The following C12orf42 variants were observed in gnomAD, a reference collection of about 807,000 sequenced individuals.
The protein encoded by C12orf42 is uncharacterized protein C12orf42.
Under a neutral mutation model 21.6 loss-of-function variants are expected in C12orf42, and 25 were observed. The observed-to-expected ratio is 1.16, with a 90% CI of 0.84 to 1.62. The LOEUF is 1.62. Among genes scored for constraint, C12orf42 ranks in the 40% most tolerant of loss-of-function variants. The pLI, the probability that C12orf42 is intolerant of heterozygous loss-of-function variation, is 0.00. For missense variants in C12orf42, 483 were observed against 459.3 expected (o/e 1.05, Z -0.47); for synonymous variants, 174 against 175.0 (o/e 0.99, Z 0.05).
At chr12:103,352,403 A>G (rs2043176522) in intron 4 of C12orf42, among the ~76,000 whole-genome samples, 1 of 152,172 alleles carries the variant, frequency 6.6e-6, no homozygotes, top group Non-Finnish European at 1.5e-5. Context: ...ACCAGATATC[A>G]AAGTATCCAT....
the C12orf42 span, chr12:103,151,997 T>G: frequency 6.6e-6 from 1 of 152,200 alleles, no homozygotes; most frequent in Non-Finnish European, 1.5e-5. Flanking sequence ...GCAGGGGAGA[T>G]TCTCCTTTGC....
At chr12:103,142,329 C>G in the C12orf42 span, among the ~76,000 whole-genome samples, 4 of 152,158 alleles carry the variant, frequency 2.6e-5, no homozygotes, top group Admixed American at 2.0e-4. Context: ...ATTCTTAATT[C>G]CTTCTCACAA....
the C12orf42 span, among the ~76,000 whole-genome samples, chr12:103,150,752 T>TA: frequency 6.6e-6 from 1 of 152,140 alleles, no homozygotes; most frequent in Admixed American, 6.5e-5. Context: ...ATTTCTAATA[T>TA]AAAAAAATAC....
the C12orf42 span, among the ~76,000 whole-genome samples, chr12:103,141,081 C>T: frequency 2.0e-5 from 3 of 152,188 alleles, no homozygotes; most frequent in African/African-American, 4.8e-5. Context: ...AAAGCCCAGG[C>T]CTTTCCATTT....
chr12:103,475,700 G>T (rs949132239), intron 2 of C12orf42, among the ~76,000 whole-genome samples: 1 of 152,132 alleles, frequency 6.6e-6, no homozygotes, highest in Non-Finnish European at 1.5e-5. Context: ...GTTGAGTCCC[G>T]GGCTAACAAA....
At chr12:103,555,864 C>A in the C12orf42 span, among the ~76,000 whole-genome samples, 1 of 151,950 alleles carries the variant, frequency 6.6e-6, no homozygotes, top group Non-Finnish European at 1.5e-5. Flanking sequence ...CTCTACCTCA[C>A]CCCCACCTGC....
intron 5 of C12orf42, among the ~76,000 whole-genome samples, chr12:103,305,727 CT>C (rs1473731919): frequency 1.3e-5 from 2 of 152,168 alleles, no homozygotes; most frequent in Non-Finnish European, 2.9e-5. Context: ...ATGATAATAG[CT>C]GTCATTGTCA....
intron 10 of C12orf42, among the ~76,000 whole-genome samples, chr12:103,250,867 T>C (rs1378337966): frequency 6.7e-6 from 1 of 148,952 alleles, no homozygotes; most frequent in African/African-American, 2.5e-5. Context: ...TTGAGATTCT[T>C]TTATCACTGT....
the C12orf42 span, among the ~76,000 whole-genome samples, chr12:103,159,787 C>T: frequency 2.0e-5 from 3 of 152,338 alleles, no homozygotes; most frequent in East Asian, 5.8e-4. Flanking sequence ...TGTGCACATG[C>T]ATCATCTCTC....
intron 2 of C12orf42, among the ~76,000 whole-genome samples, chr12:103,421,742 G>T (rs2049934259): frequency 6.6e-6 from 1 of 152,094 alleles, no homozygotes. Context: ...ATACCGTTGG[G>T]CTATAATTCC....
the C12orf42 span, among the ~76,000 whole-genome samples, chr12:103,185,348 G>A: frequency 1.3e-5 from 2 of 152,162 alleles, no homozygotes; most frequent in Non-Finnish European, 1.5e-5. Context: ...GGTACTTCAG[G>A]TAGGAAGTTA....
At chr12:103,277,016 A>G in intron 5 of C12orf42, 1 of 400,560 alleles carries the variant, frequency 2.5e-6, no homozygotes, top group South Asian at 1.9e-5. Context: ...ATTAGATAGT[A>G]TAATTATTTA....
the C12orf42 span, among the ~76,000 whole-genome samples, chr12:103,104,798 G>T: frequency 6.6e-6 from 1 of 152,226 alleles, no homozygotes; most frequent in South Asian, 2.1e-4. Context: ...CTCAAGATGT[G>T]CAGCTGAACC....
chr12:103,435,011 T>C (rs1392408468), intron 2 of C12orf42, among the ~76,000 whole-genome samples: 1 of 152,174 alleles, frequency 6.6e-6, no homozygotes, highest in Non-Finnish European at 1.5e-5. Flanking sequence ...GTCTGACAGC[T>C]TTGAAGAGAG....
At chr12:103,337,329 C>T (rs1346286249) in intron 4 of C12orf42, among the ~76,000 whole-genome samples, 2 of 152,052 alleles carry the variant, frequency 1.3e-5, no homozygotes, top group Admixed American at 6.6e-5. Context: ...AGACAGAAAA[C>T]CTGTGGGGCA....
At chr12:103,208,034 G>T in the C12orf42 span, among the ~76,000 whole-genome samples, 2 of 152,076 alleles carry the variant, frequency 1.3e-5, no homozygotes, top group Non-Finnish European at 2.9e-5. Flanking sequence ...CCGAATCCAG[G>T]CCTTATCACC....
Position 103,401,614 on chromosome 12 carries a change from C to T in C12orf42, c.140G>A (p.Ser47Asn), listed in dbSNP as rs764760133. 5 of 1,613,892 alleles carry T rather than the reference C, an allele frequency of 3.1e-6. No individual in the cohort carries two copies. In the East Asian group the frequency reaches 1.1e-4, roughly 36 times the overall value. Reference sequence around the variant, plus strand: ...AACATTCCGCTGACTCACCTTTGCACTGGGTGTGCTTCTATCCCACAGGGT... The same window carrying T: ...AACATTCCGCTGACTCACCTTTGCATTGGGTGTGCTTCTATCCCACAGGGT... ...SATLWDRSTPSAKHIPCYERT... is the reference protein window; with the variant it reads ...SATLWDRSTPNAKHIPCYERT... The change falls in exon 3 of 6, where the codon AGT becomes AAT. Residue 47 changes from serine to asparagine, a missense_variant. Physicochemically the swap from Ser to Asn is conservative, Grantham distance 46. Coordinates refer to ENST00000548883, the MANE Select transcript of C12orf42 (RefSeq NM_198521.5).
intron 2 of C12orf42, among the ~76,000 whole-genome samples, chr12:103,427,313 C>T (rs1189654962): frequency 4.8e-5 from 7 of 144,912 alleles, no homozygotes; most frequent in Admixed American, 2.8e-4. Context: ...AAAAAAGCAG[C>T]GGTTGCAATC....
intron 1 of C12orf42, among the ~76,000 whole-genome samples, chr12:103,479,069 A>ACTTACATCTCTAAAACATATAG: frequency 6.6e-6 from 1 of 152,066 alleles, no homozygotes; most frequent in Admixed American, 6.6e-5. Flanking sequence ...AGCAAATAAA[A>ACTTACATCTCTAAAACATATAG]CTTAGGCCCT....
Sources: allele counts gnomAD v4.1 joint callset (sites outside exome capture counted in the v4.1 genomes callset), GRCh38; gene constraint gnomAD v4.1.1; transcripts MANE v1.5; gene names NCBI Gene and HGNC (gene_info 2026-07-23, HGNC 2026-07-21).